The following TMEM108 variants were observed in gnomAD, a reference collection of about 807,000 sequenced individuals.
TMEM108 encodes cancer/testis antigen 124.
In TMEM108, 12 loss-of-function variants were observed where a neutral mutation model predicts 35.1. That is an observed-to-expected ratio of 0.34 (90% CI 0.22 to 0.55). The LOEUF (loss-of-function observed/expected upper bound fraction) is 0.55. Among genes scored for constraint, TMEM108 ranks in the 20% least tolerant of loss-of-function variants. The pLI is 0.89. For missense variants in TMEM108, 680 were observed against 753.3 expected, an observed-to-expected ratio of 0.90 and a Z score of 1.14; for synonymous variants, 287 against 308.6, an observed-to-expected ratio of 0.93 and a Z score of 0.73.
chr3:133,038,795 G>A (rs150691553), intron 1 of TMEM108, among the ~76,000 whole-genome samples: 168 of 152,344 alleles, frequency 1.1e-3, no homozygotes, highest in Non-Finnish European at 1.6e-3. Context: ...CCGAGGAGGA[G>A]GTGGCTTTAA....
At chr3:133,143,911 G>A (rs944270657) in intron 2 of TMEM108, among the ~76,000 whole-genome samples, 4 of 148,458 alleles carry the variant, frequency 2.7e-5, no homozygotes, top group Non-Finnish European at 5.9e-5. Context: ...ACAAGGGAAA[G>A]GAAGGCTCAC....
intron 3 of TMEM108, among the ~76,000 whole-genome samples, chr3:133,252,172 G>A (rs1946481169): frequency 1.3e-5 from 2 of 152,060 alleles, no homozygotes. Flanking sequence ...CTATTCACAG[G>A]ATTGAAAAGA....
intron 3 of TMEM108, among the ~76,000 whole-genome samples, chr3:133,256,016 A>G (rs189774987): frequency 2.6e-5 from 4 of 152,224 alleles, no homozygotes; most frequent in Admixed American, 2.6e-4. Flanking sequence ...AAATAAATAA[A>G]CAACAAGAAC....
intron 3 of TMEM108, among the ~76,000 whole-genome samples, chr3:133,307,567 T>C (rs2071059460): frequency 6.6e-6 from 1 of 152,192 alleles, no homozygotes. Context: ...AAGGAAAAGA[T>C]CCAGTTTCAG....
intron 3 of TMEM108, among the ~76,000 whole-genome samples, chr3:133,312,298 A>C (rs1160726592): frequency 1.3e-5 from 2 of 152,230 alleles, no homozygotes; most frequent in Non-Finnish European, 2.9e-5. Context: ...AGTCTGCAGA[A>C]GTTTCTGCTG....
chr3:133,092,277 C>A (rs1365612424), intron 2 of TMEM108, among the ~76,000 whole-genome samples: 1 of 152,202 alleles, frequency 6.6e-6, no homozygotes, highest in African/African-American at 2.4e-5. Flanking sequence ...CTAGAACTTT[C>A]TTCTACATTG....
chr3:133,136,854 G>A (rs952487669), intron 2 of TMEM108, among the ~76,000 whole-genome samples: 9 of 152,188 alleles, frequency 5.9e-5, no homozygotes, highest in African/African-American at 2.2e-4. Flanking sequence ...CTTTTGTGTG[G>A]TTGGTGGTGG....
chr3:133,386,562 G>C, intron 4 of TMEM108: 1 of 1,496,098 alleles, frequency 6.7e-7, no homozygotes, highest in South Asian at 1.3e-5. Flanking sequence ...ACATTCCTGG[G>C]AACCCAAGAG....
chr3:133,277,154 A>G (rs961620191), intron 3 of TMEM108, among the ~76,000 whole-genome samples: 3 of 152,224 alleles, frequency 2.0e-5, no homozygotes, highest in Non-Finnish European at 4.4e-5. Flanking sequence ...TATAAAGGAC[A>G]TTATTGAGAC....
chr3:133,217,251 C>T lies in TMEM108; in HGVS notation c.-46-12015C>T, dbSNP rs138718363. Among the ~76,000 whole-genome samples, 1,389 of 152,000 alleles carry T rather than the reference C, an allele frequency of 9.1e-3. 16 individuals carry two copies. The highest frequency in any genetic ancestry group is 0.032 in the African/African-American group (1,320 of 41,506). On this transcript the variant is annotated intron_variant, in intron 2 of 5. Coordinates refer to ENST00000321871, the MANE Select transcript of TMEM108 (RefSeq NM_023943.4). ...TATCCTCTTTTGAGAAATGTCTATTCAGTTTTTTTGCTCATTTTTTAATCT... is the reference window on the plus strand; with the variant it reads ...TATCCTCTTTTGAGAAATGTCTATTTAGTTTTTTTGCTCATTTTTTAATCT...
At chr3:133,265,245 C>G (rs1257646792) in intron 3 of TMEM108, among the ~76,000 whole-genome samples, 1 of 152,216 alleles carries the variant, frequency 6.6e-6, no homozygotes, top group African/African-American at 2.4e-5. Flanking sequence ...CTTACTTCCT[C>G]CAGACAGCTT....
chr3:133,104,921 C>T (rs546619527), intron 2 of TMEM108, among the ~76,000 whole-genome samples: 1 of 152,274 alleles, frequency 6.6e-6, no homozygotes, highest in East Asian at 1.9e-4. Context: ...CTGAACTTAC[C>T]TGGTGTTTGT....
At chr3:133,272,311 GTT>G (rs1491576723) in intron 3 of TMEM108, among the ~76,000 whole-genome samples, 2,430 of 145,002 alleles carry the variant, frequency 0.017, 33 homozygotes, top group East Asian at 0.033. Context: ...GTGTGTGTGT[GTT>G]TCCTAAAGGA....
intron 3 of TMEM108, among the ~76,000 whole-genome samples, chr3:133,274,977 T>G (rs1004941524): frequency 1.3e-5 from 2 of 152,236 alleles, no homozygotes; most frequent in Non-Finnish European, 2.9e-5. Context: ...TGGTTCCAAG[T>G]TGATTGATTG....
chr3:133,193,375 T>C (rs1945528225), intron 2 of TMEM108, among the ~76,000 whole-genome samples: 1 of 152,184 alleles, frequency 6.6e-6, no homozygotes, highest in African/African-American at 2.4e-5. Context: ...TGGTTACTGA[T>C]GATGTGGGCA....
intron 3 of TMEM108, among the ~76,000 whole-genome samples, chr3:133,308,438 T>A (rs1310828078): frequency 6.6e-6 from 1 of 152,148 alleles, no homozygotes; most frequent in African/African-American, 2.4e-5. Flanking sequence ...TGTCTTGTGC[T>A]GGTTATCAAA....
intron 3 of TMEM108, among the ~76,000 whole-genome samples, chr3:133,235,974 A>G (rs1420578249): frequency 6.6e-6 from 1 of 152,142 alleles, no homozygotes; most frequent in Non-Finnish European, 1.5e-5. Flanking sequence ...TTGATTTAGC[A>G]GATGTGGTGT....
chr3:133,174,823 G>A (rs1945186965), intron 2 of TMEM108, among the ~76,000 whole-genome samples: 1 of 152,184 alleles, frequency 6.6e-6, no homozygotes, highest in Non-Finnish European at 1.5e-5. Context: ...AAAGCTGGAT[G>A]GAGAATGACT....
chr3:133,178,555 G>A (rs1945276314), intron 2 of TMEM108, among the ~76,000 whole-genome samples: 1 of 152,056 alleles, frequency 6.6e-6, no homozygotes, highest in African/African-American at 2.4e-5. Flanking sequence ...ACAAGCAATG[G>A]GGAAAGGATT....
Sources: gnomAD v4.1 joint callset for allele counts (sites outside exome capture counted in the v4.1 genomes callset) on GRCh38, gnomAD v4.1.1 for gene constraint, MANE v1.5 for transcripts, NCBI Gene and HGNC (gene_info 2026-07-23, HGNC 2026-07-21) for gene names.